SH3RF3: variants seen among roughly 807,000 people sequenced by gnomAD.
The protein encoded by SH3RF3 is SH3 domain containing ring finger 3.
Under a neutral mutation model 66.3 loss-of-function variants are expected in SH3RF3, and 29 were observed. The ratio of observed to expected loss-of-function variants is 0.44; its 90% CI spans 0.33 to 0.60. SH3RF3 has a LOEUF of 0.60. Among genes scored for constraint, SH3RF3 ranks in the 20% least tolerant of loss-of-function variants. The pLI, the probability that SH3RF3 is intolerant of heterozygous loss-of-function variation, is 0.04. For missense variants in SH3RF3, 1,194 were observed against 1,190.9 expected (o/e 1.00, Z -0.04); for synonymous variants, 583 against 532.0 (o/e 1.10, Z -1.32).
chr2:109,389,282 G>T (rs1468757474), intron 3 of SH3RF3, among the ~76,000 whole-genome samples: 1 of 152,194 alleles, frequency 6.6e-6, no homozygotes, highest in African/African-American at 2.4e-5. Flanking sequence ...TGTGCATCAG[G>T]TTCACACCCT....
chr2:109,299,597 A>G (rs1172677385), intron 1 of SH3RF3, among the ~76,000 whole-genome samples: 1 of 152,126 alleles, frequency 6.6e-6, no homozygotes, highest in Non-Finnish European at 1.5e-5. Flanking sequence ...TCCATTTCCT[A>G]AAGTTTCCTT....
At chr2:109,341,988 G>C (rs966051519) in intron 1 of SH3RF3, among the ~76,000 whole-genome samples, 5 of 152,172 alleles carry the variant, frequency 3.3e-5, no homozygotes, top group Non-Finnish European at 7.3e-5. Flanking sequence ...CTCAGACCCC[G>C]CAGTGCTTGG....
At chr2:109,473,426 A>G (rs1346905521) in intron 8 of SH3RF3, among the ~76,000 whole-genome samples, 3 of 152,206 alleles carry the variant, frequency 2.0e-5, no homozygotes, top group Non-Finnish European at 4.4e-5. Flanking sequence ...GACAAATACA[A>G]TGAGGTCTGA....
At chr2:109,236,294 A>G (rs1027796607) in intron 1 of SH3RF3, among the ~76,000 whole-genome samples, 2 of 152,190 alleles carry the variant, frequency 1.3e-5, no homozygotes, top group African/African-American at 4.8e-5. Flanking sequence ...TTGTTTCTGC[A>G]TGCAGTGTCG....
intron 7 of SH3RF3, among the ~76,000 whole-genome samples, chr2:109,441,974 A>G (rs1677577150): frequency 6.6e-6 from 1 of 151,122 alleles, no homozygotes. Flanking sequence ...CAAAATAAAG[A>G]ATTATTCAGA....
At chr2:109,340,752 A>C (rs774983762) in intron 1 of SH3RF3, among the ~76,000 whole-genome samples, 42 of 152,328 alleles carry the variant, frequency 2.8e-4, no homozygotes, top group Non-Finnish European at 4.3e-4. Flanking sequence ...GAAGCACGGA[A>C]GGGCAGATTT....
At chr2:109,344,654 G>A (rs1682642355) in intron 1 of SH3RF3, among the ~76,000 whole-genome samples, 1 of 152,202 alleles carries the variant, frequency 6.6e-6, no homozygotes, top group Non-Finnish European at 1.5e-5. Context: ...AAGGAGAGAT[G>A]ACAGGCAAGG....
At chr2:109,423,883 G>A (rs1676958241) in intron 5 of SH3RF3, among the ~76,000 whole-genome samples, 1 of 152,254 alleles carries the variant, frequency 6.6e-6, no homozygotes, top group African/African-American at 2.4e-5. Flanking sequence ...AGAGGGCACA[G>A]CTGGGACCCC....
At chr2:109,343,365 CT>C (rs140700510) in intron 1 of SH3RF3, among the ~76,000 whole-genome samples, 1,589 of 150,710 alleles carry the variant, frequency 0.011, 25 homozygotes, top group African/African-American at 0.036. Flanking sequence ...TTCCTTGACT[CT>C]TTTTTTTTTC....
At chr2:109,298,628 A>G (rs1681383544) in intron 1 of SH3RF3, among the ~76,000 whole-genome samples, 1 of 151,952 alleles carries the variant, frequency 6.6e-6, no homozygotes, top group Admixed American at 6.6e-5. Flanking sequence ...TGTCAGTCAA[A>G]TGCTCCTCGG....
chr2:109,501,100 T>TGACA (rs1464995075), intron 9 of SH3RF3, among the ~76,000 whole-genome samples: 1 of 152,052 alleles, frequency 6.6e-6, no homozygotes, highest in African/African-American at 2.4e-5. Context: ...CCCAGGGTCT[T>TGACA]GACACTGGGA....
At chr2:109,431,775 G>C (rs1677222192) in intron 5 of SH3RF3, among the ~76,000 whole-genome samples, 1 of 152,140 alleles carries the variant, frequency 6.6e-6, no homozygotes, top group Non-Finnish European at 1.5e-5. Flanking sequence ...GGAGGCTGAG[G>C]TGGGAGGATC....
chr2:109,166,459 G>GGAAAAAA (rs575283304), intron 1 of SH3RF3, among the ~76,000 whole-genome samples: 1 of 134,326 alleles, frequency 7.4e-6, no homozygotes, highest in Admixed American at 7.6e-5. Flanking sequence ...CCTGGTGACA[G>GGAAAAAA]AAAAAAAAAA....
At chr2:109,478,758 T>C (rs1016901563) in intron 8 of SH3RF3, among the ~76,000 whole-genome samples, 4 of 152,166 alleles carry the variant, frequency 2.6e-5, no homozygotes, top group Non-Finnish European at 4.4e-5. Context: ...TGCGACGGGC[T>C]TATCATACAG....
intron 5 of SH3RF3, among the ~76,000 whole-genome samples, chr2:109,428,390 G>C (rs1009060670): frequency 6.6e-6 from 1 of 152,238 alleles, no homozygotes. Context: ...GTAAGCGAAG[G>C]CTGTGCTGTT....
At chr2:109,441,562 T>C (rs930495692) in intron 7 of SH3RF3, among the ~76,000 whole-genome samples, 1 of 152,218 alleles carries the variant, frequency 6.6e-6, no homozygotes, top group Non-Finnish European at 1.5e-5. Context: ...GGGACAACTT[T>C]AAGTGGCCTA....
At chr2:109,319,122 C>T (rs1027379959) in intron 1 of SH3RF3, among the ~76,000 whole-genome samples, 1 of 152,168 alleles carries the variant, frequency 6.6e-6, no homozygotes, top group Non-Finnish European at 1.5e-5. Context: ...AGAAGAGGCA[C>T]TCCCATCTCT....
At chr2:109,407,323 G>C (rs1175544360) in intron 4 of SH3RF3, among the ~76,000 whole-genome samples, 1 of 152,224 alleles carries the variant, frequency 6.6e-6, no homozygotes, top group African/African-American at 2.4e-5. Context: ...AACATCAAAA[G>C]ACAGCATTTC....
intron 1 of SH3RF3, among the ~76,000 whole-genome samples, chr2:109,147,559 G>T (rs939377788): frequency 6.6e-6 from 1 of 152,172 alleles, no homozygotes; most frequent in African/African-American, 2.4e-5. Flanking sequence ...TACCGTAAAT[G>T]GTCCAAAAAG....
Sources: allele counts gnomAD v4.1 joint callset (sites outside exome capture counted in the v4.1 genomes callset), GRCh38; gene constraint gnomAD v4.1.1; transcripts MANE v1.5; gene names NCBI Gene and HGNC (gene_info 2026-07-23, HGNC 2026-07-21).